Variants in COL28A1 observed in about 807,000 individuals in gnomAD.
COL28A1 encodes the protein collagen type XXVIII alpha 1 chain, also known as collagen alpha-1(XXVIII) chain.
COL28A1 carries 161 observed loss-of-function variants against 150.2 expected under a neutral mutation model. The ratio of observed to expected loss-of-function variants is 1.07; its 90% CI spans 0.94 to 1.22. The LOEUF is 1.22. COL28A1 is among the 50% of genes most tolerant of loss of function. The pLI, the probability that COL28A1 is intolerant of heterozygous loss-of-function variation, is 0.00. For missense variants in COL28A1, 1,617 were observed against 1,388.3 expected, an observed-to-expected ratio of 1.16 and a Z score of -2.62; for synonymous variants, 552 against 469.7, an observed-to-expected ratio of 1.18 and a Z score of -2.26.
intron 21 of COL28A1, among the ~76,000 whole-genome samples, chr7:7,439,021 T>G (rs1160105717): frequency 6.6e-6 from 1 of 152,214 alleles, no homozygotes; most frequent in Non-Finnish European, 1.5e-5. Flanking sequence ...GTATCTATGC[T>G]ATGTCTAAAC....
chr7:7,344,762 T>TA, the COL28A1 span, among the ~76,000 whole-genome samples: 1 of 152,068 alleles, frequency 6.6e-6, no homozygotes. Flanking sequence ...AACAAAGAAT[T>TA]ACGCAACCAA....
chr7:7,417,152 A>T (rs1279054024), intron 27 of COL28A1, among the ~76,000 whole-genome samples: 2 of 152,116 alleles, frequency 1.3e-5, no homozygotes, highest in African/African-American at 4.8e-5. Flanking sequence ...TAATGTTTAG[A>T]TGCCAAATTT....
intron 27 of COL28A1, among the ~76,000 whole-genome samples, chr7:7,385,339 A>G (rs1315028284): frequency 6.6e-6 from 1 of 152,210 alleles, no homozygotes; most frequent in African/African-American, 2.4e-5. Context: ...GGGATAAGAC[A>G]GACTAAAGGC....
intron 27 of COL28A1, among the ~76,000 whole-genome samples, chr7:7,389,846 G>A (rs189674174): frequency 7.2e-5 from 11 of 152,192 alleles, no homozygotes; most frequent in South Asian, 2.1e-4. Context: ...CATTGATTTC[G>A]TATCCTGAGA....
intron 13 of COL28A1, among the ~76,000 whole-genome samples, chr7:7,488,457 C>T (rs2128367264): frequency 6.6e-6 from 1 of 152,306 alleles, no homozygotes; most frequent in Non-Finnish European, 1.5e-5. Context: ...TATCCACAAT[C>T]AGTTGTTTTT....
At position 7,526,634 on chromosome 7, in the gene COL28A1, C is replaced by CT. The variant is rs554173744; in HGVS notation, c.682-2386dup. On this transcript the variant is annotated intron_variant, in intron 3 of 34. Transcript: ENST00000399429. ...AAAATCTTTTAACAATGAGCAATAT[C>CT]TTTTTTTTTTCTTCTTTTTGAGATG... Among the ~76,000 whole-genome samples the CT allele has an allele frequency of 2.1e-3, 308 of 150,190 alleles. 3 individuals are homozygous for CT. The highest frequency in any genetic ancestry group is 6.7e-3 in the African/African-American group (276 of 40,960).
intron 19 of COL28A1, among the ~76,000 whole-genome samples, chr7:7,443,919 T>C (rs930669600): frequency 4.0e-5 from 6 of 151,842 alleles, no homozygotes; most frequent in Non-Finnish European, 7.4e-5. Context: ...CATTTTCTTT[T>C]GGCTCTTCAT....
At chr7:7,376,837 C>T (rs879485459) in intron 30 of COL28A1, among the ~76,000 whole-genome samples, 2 of 152,086 alleles carry the variant, frequency 1.3e-5, no homozygotes, top group Non-Finnish European at 2.9e-5. Context: ...AATGTGCGGC[C>T]ATTTAAAGGC....
At chr7:7,405,838 G>T (rs373677714) in intron 27 of COL28A1, among the ~76,000 whole-genome samples, 3 of 152,196 alleles carry the variant, frequency 2.0e-5, no homozygotes, top group African/African-American at 7.2e-5. Context: ...ATGGAGTAAG[G>T]CTCCTCCACC....
intron 13 of COL28A1, among the ~76,000 whole-genome samples, chr7:7,487,556 C>T (rs4724995): frequency 0.77 from 116,750 of 152,046 alleles, 46,163 homozygotes; most frequent in Non-Finnish European, 0.85. Flanking sequence ...CCAGCCTGGG[C>T]GACAGAGCAA....
the COL28A1 span, among the ~76,000 whole-genome samples, chr7:7,347,308 G>A: frequency 3.9e-5 from 6 of 152,052 alleles, no homozygotes; most frequent in African/African-American, 1.4e-4. Flanking sequence ...CTTTCCCAGT[G>A]GGTGGGTTAA....
chr7:7,475,795 G>A (rs183925328), intron 14 of COL28A1, among the ~76,000 whole-genome samples: 26 of 152,178 alleles, frequency 1.7e-4, no homozygotes, highest in African/African-American at 5.8e-4. Flanking sequence ...CAAAACTTTC[G>A]GTGATGTCAT....
chr7:7,477,823 C>G (rs944827731), intron 13 of COL28A1, among the ~76,000 whole-genome samples: 11 of 152,180 alleles, frequency 7.2e-5, no homozygotes, highest in Admixed American at 2.0e-4. Context: ...TGCTTTTATT[C>G]TATTATCTGG....
intron 18 of COL28A1, among the ~76,000 whole-genome samples, chr7:7,451,174 G>C (rs1326505826): frequency 6.6e-6 from 1 of 151,886 alleles, no homozygotes; most frequent in Non-Finnish European, 1.5e-5. Flanking sequence ...CTGGGCCGTG[G>C]AATACATAGG....
intron 19 of COL28A1, among the ~76,000 whole-genome samples, chr7:7,444,085 C>T (rs1786048411): frequency 6.8e-6 from 1 of 147,534 alleles, no homozygotes; most frequent in Admixed American, 6.9e-5. Flanking sequence ...GCCTTATTTC[C>T]TGTATGCATT....
At chr7:7,513,798 G>C (rs147298259) in intron 8 of COL28A1, among the ~76,000 whole-genome samples, 5 of 152,214 alleles carry the variant, frequency 3.3e-5, no homozygotes, top group African/African-American at 1.2e-4. Context: ...TGTTTTTTGG[G>C]GGGCACAGAT....
At chr7:7,431,164 A>G (rs546753998) in intron 25 of COL28A1, 1 of 155,200 alleles carries the variant, frequency 6.4e-6, no homozygotes, top group East Asian at 1.9e-4. Flanking sequence ...CTCTCTAATG[A>G]CCTGGAAACA....
intron 34 of COL28A1, 39 bp from the exon 35 acceptor site, chr7:7,358,844 T>G (rs372104323): frequency 3.8e-5 from 58 of 1,519,788 alleles, no homozygotes; most frequent in Middle Eastern, 3.5e-4. Context: ...GGATTTTTCT[T>G]ATACTGAAGA....
chr7:7,510,637 C>A (rs984240536), intron 9 of COL28A1, among the ~76,000 whole-genome samples: 3 of 152,146 alleles, frequency 2.0e-5, no homozygotes, highest in Non-Finnish European at 4.4e-5. Context: ...TTTGTGTCTA[C>A]ATTTTCAAAA....
Sources: gnomAD v4.1 joint callset for allele counts (sites outside exome capture counted in the v4.1 genomes callset) on GRCh38, gnomAD v4.1.1 for gene constraint, MANE v1.5 for transcripts, NCBI Gene and HGNC (gene_info 2026-07-23, HGNC 2026-07-21) for gene names.